The following ANO6 variants were observed in gnomAD, a reference collection of about 807,000 sequenced individuals.
The protein encoded by ANO6 is anoctamin-6.
In ANO6, 106 loss-of-function variants were observed where a neutral mutation model predicts 117.5. The observed-to-expected ratio is 0.90, with a 90% confidence interval of 0.77 to 1.06. The LOEUF (loss-of-function observed/expected upper bound fraction) is 1.06, where lower values mean the gene tolerates loss of function less well. Among genes scored for constraint, ANO6 ranks in the 50% least tolerant of loss-of-function variants. The probability of loss-of-function intolerance (pLI) is 0.00; values close to 1 mark genes in which losing one functional copy is unlikely to be tolerated. For missense variants in ANO6, 955 were observed against 1,121.1 expected, an observed-to-expected ratio of 0.85 and a Z score of 2.12; for synonymous variants, 367 against 385.1, an observed-to-expected ratio of 0.95 and a Z score of 0.55.
In ANO6 at chr12:45,430,042, C is replaced by T; in HGVS notation, c.*731C>T. 1.0e-6 allele frequency: 1 copy of T among 985,430 alleles called. No homozygotes were observed. The highest frequency in any genetic ancestry group is 1.2e-6 in the Non-Finnish European group (1 of 829,936). The allele number at this position is 985,430 out of a possible 1,614,324, so 61.0% of individuals were successfully genotyped here. ...TTCCGTGCCTAATCAATGTTGACTG[C>T]TTTGCAGATCTCAAGGGAATAAAAT... On this transcript the variant is annotated 3_prime_UTR_variant, in exon 20 of 20. Transcript: ENST00000320560.
At chr12:45,355,569 C>G (rs192085404) in intron 7 of ANO6, among the ~76,000 whole-genome samples, 2 of 152,134 alleles carry the variant, frequency 1.3e-5, no homozygotes, top group African/African-American at 2.4e-5. Context: ...GAGGCCAAGG[C>G]GTCTCAAACC....
intron 1 of ANO6, among the ~76,000 whole-genome samples, chr12:45,269,049 C>T (rs1203336106): frequency 6.6e-6 from 1 of 152,164 alleles, no homozygotes; most frequent in Non-Finnish European, 1.5e-5. Flanking sequence ...AAGCTAACAG[C>T]GGCAGCCTTG....
intron 1 of ANO6, among the ~76,000 whole-genome samples, chr12:45,271,421 G>A (rs1399557197): frequency 6.6e-6 from 1 of 152,052 alleles, no homozygotes. Flanking sequence ...AAAAGTAAAA[G>A]TAATTGTCAT....
Position 45,338,240 on chromosome 12 carries a change from C to T in ANO6, c.279+6817C>T, listed in dbSNP as rs761667860. On this transcript the variant is annotated intron_variant, in intron 3 of 19. Transcript: ENST00000320560. The stretch of plus-strand genomic sequence containing the variant: ...AACACAGTGTTCTGGTAGGAAAGAT[C>T]CTCCTGAGAAAAATTTGTCTCATGA... 5.9e-5 allele frequency among the ~76,000 whole-genome samples: 9 copies of T among 152,130 alleles called. No individual in the cohort carries two copies. In the East Asian group the frequency reaches 1.2e-3, roughly 20 times the overall value.
chr12:45,327,608 T>C (rs1940513768), intron 2 of ANO6, among the ~76,000 whole-genome samples: 2 of 152,160 alleles, frequency 1.3e-5, no homozygotes, highest in African/African-American at 4.8e-5. Context: ...AGCTAGCAAG[T>C]GTCTATAATA....
At position 45,364,577 on chromosome 12, in the gene ANO6, C is replaced by T. The variant is rs528033211; in HGVS notation, c.999-3111C>T. Among the ~76,000 whole-genome samples the T allele has an allele frequency of 2.6e-5, 4 of 152,156 alleles. No individual in the cohort carries two copies. The East Asian group carries it at 5.8e-4, about 22-fold the overall frequency. On this transcript the variant is annotated intron_variant, in intron 8 of 19. Transcript: ENST00000320560. The stretch of plus-strand genomic sequence containing the variant: ...GATTCTTCTGCTATTTCATATCTGC[C>T]GAGGAGCCCTTCTAATGATTTTTTT...
intron 1 of ANO6, among the ~76,000 whole-genome samples, chr12:45,232,652 C>T (rs1947589830): frequency 6.6e-6 from 1 of 152,176 alleles, no homozygotes; most frequent in African/African-American, 2.4e-5. Flanking sequence ...CAAGTCCAGT[C>T]GTACTCAGGG....
In ANO6 at chr12:45,302,526, AC is replaced by A. The variant is rs920314006; in HGVS notation, c.150+434del. 3.9e-5 allele frequency among the ~76,000 whole-genome samples: 6 copies of A among 152,198 alleles called. No individual in the cohort carries two copies. The East Asian group carries it at 5.8e-4, about 15-fold the overall frequency. ...CTTTCATCCTGGAGCTTTCAGTGAT[AC>A]AACCTACATGTATCTTGTAGGGCTA... On this transcript the variant is annotated intron_variant, in intron 2 of 19. Coordinates refer to ENST00000320560, the MANE Select transcript of ANO6 (RefSeq NM_001025356.3).
chr12:45,437,256 TG>T (rs1943717230), downstream of ANO6, among the ~76,000 whole-genome samples: 1 of 152,114 alleles, frequency 6.6e-6, no homozygotes, highest in African/African-American at 2.4e-5. Flanking sequence ...GAGCATAGAG[TG>T]GAGTTTCCAG....
intron 10 of ANO6, among the ~76,000 whole-genome samples, chr12:45,385,063 G>A (rs1942261501): frequency 1.3e-5 from 2 of 152,254 alleles, no homozygotes; most frequent in South Asian, 4.2e-4. Context: ...CAGTTTCTGG[G>A]TGGTTTCCTT....
chr12:45,361,005 G>A (rs528879229), intron 8 of ANO6, among the ~76,000 whole-genome samples: 24 of 152,134 alleles, frequency 1.6e-4, no homozygotes, highest in East Asian at 1.2e-3. Flanking sequence ...TCAAATTTTC[G>A]TTTTTCTTTT....
intron 16 of ANO6, 145 bp from the exon 17 acceptor site, chr12:45,416,554 C>A: frequency 1.4e-6 from 1 of 739,410 alleles, no homozygotes; most frequent in South Asian, 1.6e-5. Context: ...AATTCTTTCA[C>A]TGTTGAACAC....
At chr12:45,381,711 C>T (rs1942173191) in intron 10 of ANO6, among the ~76,000 whole-genome samples, 1 of 152,138 alleles carries the variant, frequency 6.6e-6, no homozygotes. Context: ...GCATTGCAAT[C>T]CTATCACTTC....
At chr12:45,230,979 T>A (rs1303656234) in intron 1 of ANO6, among the ~76,000 whole-genome samples, 1 of 152,120 alleles carries the variant, frequency 6.6e-6, no homozygotes, top group Non-Finnish European at 1.5e-5. Context: ...TGGTGGTGCA[T>A]GCCTGTAGTC....
intron 1 of ANO6, among the ~76,000 whole-genome samples, chr12:45,269,329 TG>T (rs1403072944): frequency 6.6e-6 from 1 of 152,172 alleles, no homozygotes; most frequent in African/African-American, 2.4e-5. Context: ...TTTACCCAGA[TG>T]TGAGAAATAA....
intron 9 of ANO6, among the ~76,000 whole-genome samples, chr12:45,372,634 T>A (rs1444689623): frequency 6.6e-6 from 1 of 150,428 alleles, no homozygotes; most frequent in East Asian, 2.0e-4. Context: ...GAAGGAGAAA[T>A]AAAATCCTTT....
chr12:45,237,477 A>G (rs1167274139), intron 1 of ANO6, among the ~76,000 whole-genome samples: 1 of 152,214 alleles, frequency 6.6e-6, no homozygotes, highest in African/African-American at 2.4e-5. Context: ...TTATTAAATA[A>G]GGAATCCTTT....
At chr12:45,428,001 C>A (rs1394418327) in intron 19 of ANO6, among the ~76,000 whole-genome samples, 1 of 150,872 alleles carries the variant, frequency 6.6e-6, no homozygotes, top group Non-Finnish European at 1.5e-5. Flanking sequence ...ACTATTGCTG[C>A]TGTGGGAGTG....
intron 2 of ANO6, among the ~76,000 whole-genome samples, chr12:45,311,124 A>G (rs1157367917): frequency 2.0e-5 from 3 of 152,054 alleles, no homozygotes; most frequent in Admixed American, 6.6e-5. Flanking sequence ...TAAATACAAA[A>G]TGAAGAAATG....
Sources: allele counts gnomAD v4.1 joint callset (sites outside exome capture counted in the v4.1 genomes callset), GRCh38; gene constraint gnomAD v4.1.1; transcripts MANE v1.5; gene names NCBI Gene and HGNC (gene_info 2026-07-23, HGNC 2026-07-21).